The following GTPBP10 variants were observed in gnomAD, a reference collection of about 807,000 sequenced individuals.
The protein encoded by GTPBP10 is GTP-binding protein 10.
Under a neutral mutation model 44.8 loss-of-function variants are expected in GTPBP10, and 38 were observed. That is an observed-to-expected ratio of 0.85 (90% CI 0.65 to 1.11). The LOEUF (loss-of-function observed/expected upper bound fraction) is 1.11. Among genes scored for constraint, GTPBP10 ranks in the 50% most tolerant of loss-of-function variants. GTPBP10 has a pLI of 0.00. For synonymous variants in GTPBP10, 152 were observed against 150.6 expected, an observed-to-expected ratio of 1.01 and a Z score of -0.07; for missense variants, 462 against 453.7, an observed-to-expected ratio of 1.02 and a Z score of -0.17.
At chr7:90,368,592 A>G (rs1796184172) in intron 4 of GTPBP10, among the ~76,000 whole-genome samples, 1 of 152,070 alleles carries the variant, frequency 6.6e-6, no homozygotes, top group African/African-American at 2.4e-5. Context: ...TCGGCTATTG[A>G]AGCTTGTGCG....
intron 8 of GTPBP10, among the ~76,000 whole-genome samples, chr7:90,379,205 C>A (rs1293158988): frequency 3.3e-5 from 5 of 152,206 alleles, no homozygotes; most frequent in Non-Finnish European, 7.4e-5. Flanking sequence ...CTAAATCTCT[C>A]TGAAATCCAT....
intron 1 of GTPBP10, among the ~76,000 whole-genome samples, chr7:90,352,275 T>G (rs1258597640): frequency 2.0e-5 from 3 of 152,210 alleles, no homozygotes; most frequent in African/African-American, 7.2e-5. Context: ...TAGAGAACAT[T>G]GGAGGAACAG....
At chr7:90,358,847 C>T (rs771794182) in intron 4 of GTPBP10, among the ~76,000 whole-genome samples, 4 of 152,126 alleles carry the variant, frequency 2.6e-5, no homozygotes, top group Non-Finnish European at 2.9e-5. Context: ...TTGCAAACTA[C>T]GCATCTAACA....
intron 1 of GTPBP10, among the ~76,000 whole-genome samples, chr7:90,350,228 G>A (rs993782185): frequency 3.9e-5 from 6 of 152,194 alleles, no homozygotes; most frequent in African/African-American, 1.4e-4. Context: ...CTGCATCCAT[G>A]TCACTCATCC....
intron 2 of GTPBP10, 81 bp downstream of exon 2, chr7:90,353,090 T>A: frequency 1.1e-6 from 1 of 871,504 alleles, no homozygotes; most frequent in Non-Finnish European, 1.7e-6. Context: ...AATAAAAACT[T>A]AATTGTTAAT....
chr7:90,380,450 T>C (rs926954110), intron 8 of GTPBP10, among the ~76,000 whole-genome samples: 1 of 152,228 alleles, frequency 6.6e-6, no homozygotes, highest in African/African-American at 2.4e-5. Context: ...CTTTTCACTT[T>C]TTCAGTGTAT....
At position 90,386,899 on chromosome 7, in the gene GTPBP10, G is replaced by T. The variant is rs1313663026; in HGVS notation, c.*1745G>T. On this transcript the variant is annotated 3_prime_UTR_variant, in exon 10 of 10. Transcript: ENST00000222511. ...AATAAAAGCTCCCTTTCTGCATTAG[G>T]CCCCTCAGTTCTTCCCAGGGAAAAT... The T allele has an allele frequency of 1.3e-5, 2 of 152,016 alleles. No individual in the cohort carries two copies. Among genetic ancestry groups the T allele is most frequent in the Non-Finnish European group, 2.9e-5 (2 of 68,008 alleles). The allele number at this position is 152,016 out of a possible 1,614,324, so 9.4% of individuals were successfully genotyped here. A position where few individuals can be genotyped will look rare whatever the true frequency, so the allele number is the denominator to read the frequency against.
chr7:90,347,992 T>C (rs1795714363), intron 1 of GTPBP10, among the ~76,000 whole-genome samples: 1 of 152,040 alleles, frequency 6.6e-6, no homozygotes, highest in Admixed American at 6.6e-5. Flanking sequence ...CTTGGGAGGC[T>C]GAGGTGGGAG....
At chr7:90,368,270 C>T (rs187761811) in intron 4 of GTPBP10, among the ~76,000 whole-genome samples, 1 of 152,094 alleles carries the variant, frequency 6.6e-6, no homozygotes, top group South Asian at 2.1e-4. Flanking sequence ...TGCGGTTGCT[C>T]TTCTCGAGGA....
chr7:90,348,355 A>G (rs1795721917), intron 1 of GTPBP10, among the ~76,000 whole-genome samples: 1 of 152,158 alleles, frequency 6.6e-6, no homozygotes, highest in African/African-American at 2.4e-5. Context: ...CCCCCCACAA[A>G]ACAACTACTA....
At chr7:90,361,276 A>C (rs547281106) in intron 4 of GTPBP10, among the ~76,000 whole-genome samples, 1 of 152,196 alleles carries the variant, frequency 6.6e-6, no homozygotes, top group Non-Finnish European at 1.5e-5. Context: ...TGGGTTTGTC[A>C]TAAATAGCTC....
At chr7:90,373,288 A>C (rs11563899) in intron 5 of GTPBP10, among the ~76,000 whole-genome samples, 1 of 152,192 alleles carries the variant, frequency 6.6e-6, no homozygotes, top group Non-Finnish European at 1.5e-5. Context: ...TGCTCCTCAC[A>C]GAGATCTCGG....
At chr7:90,348,702 A>G (rs896920547) in intron 1 of GTPBP10, among the ~76,000 whole-genome samples, 1 of 151,448 alleles carries the variant, frequency 6.6e-6, no homozygotes, top group Non-Finnish European at 1.5e-5. Flanking sequence ...ATGGAAGTAC[A>G]TCATAATTTC....
At chr7:90,354,268 A>G (rs1308952024) in intron 2 of GTPBP10, among the ~76,000 whole-genome samples, 190 bp from the exon 3 acceptor site, 1 of 152,148 alleles carries the variant, frequency 6.6e-6, no homozygotes, top group African/African-American at 2.4e-5. Flanking sequence ...AGTGGGATAT[A>G]ATAGTCTAAA....
At chr7:90,362,892 C>T (rs1796054970) in intron 4 of GTPBP10, among the ~76,000 whole-genome samples, 1 of 151,994 alleles carries the variant, frequency 6.6e-6, no homozygotes, top group African/African-American at 2.4e-5. Context: ...ATGTAATGGC[C>T]TTCTTTGTCT....
At chr7:90,380,004 A>G (rs150985167) in intron 8 of GTPBP10, among the ~76,000 whole-genome samples, 12 of 143,404 alleles carry the variant, frequency 8.4e-5, no homozygotes, top group Non-Finnish European at 4.6e-5. Flanking sequence ...GTGCATTACT[A>G]TTTGTATTAT....
At position 90,378,197 on chromosome 7, in the gene GTPBP10, A is replaced by C; in HGVS notation, c.763A>C (p.Ile255Leu). ...ATACAGGACAGCTTTTGAAACCATA[A>C]TACTGCTTACAAAAGTAGGTTTTCT... is the stretch of plus-strand genomic sequence containing the variant. Reference protein sequence around the residue: ...TQYRTAFETIILLTKELELYK... With the variant: ...TQYRTAFETILLLTKELELYK... The change falls in exon 8 of 10, where the codon ATA becomes CTA. Residue 255 changes from isoleucine (I) to leucine (L), a missense_variant. By Grantham distance (5) the Ile-to-Leu change is conservative. Coordinates refer to ENST00000222511, the MANE Select transcript of GTPBP10 (RefSeq NM_033107.4). 1 of 1,612,746 alleles carries C rather than the reference A, an allele frequency of 6.2e-7. No individual in the cohort carries two copies. Among genetic ancestry groups the C allele is most frequent in the Non-Finnish European group, 8.5e-7 (1 of 1,179,250 alleles).
At chr7:90,375,700 G>C (rs771762044) in intron 6 of GTPBP10, among the ~76,000 whole-genome samples, 1 of 152,134 alleles carries the variant, frequency 6.6e-6, no homozygotes, top group African/African-American at 2.4e-5. Context: ...TGTGCATGCT[G>C]CTTTGTCAGC....
chr7:90,372,482 C>CTT lies in GTPBP10; in HGVS notation c.538+268_538+269dup, dbSNP rs757973599. On this transcript the variant is annotated intron_variant, in intron 5 of 9. Coordinates refer to ENST00000222511, the MANE Select transcript of GTPBP10 (RefSeq NM_033107.4). ...GGTATGTGCCACCATGCTTGGCTAA[C>CTT]TTTTTTTTTTTTTTTGTGGGGACAG... Among the ~76,000 whole-genome samples, 12 of 112,232 alleles carry CTT rather than the reference C, an allele frequency of 1.1e-4. 1 individual carries two copies. The highest frequency in any genetic ancestry group is 2.8e-4 in the African/African-American group (7 of 25,260). 73.6% of individuals were successfully genotyped at this position (112,232 alleles called of 152,430 possible). A position where few individuals can be genotyped will look rare whatever the true frequency, so the allele number is the denominator to read the frequency against.
Sources: allele counts gnomAD v4.1 joint callset (sites outside exome capture counted in the v4.1 genomes callset), GRCh38; gene constraint gnomAD v4.1.1; transcripts MANE v1.5; gene names NCBI Gene and HGNC (gene_info 2026-07-23, HGNC 2026-07-21).